EPHA6: variants seen among roughly 807,000 people sequenced by gnomAD.
EPHA6 encodes the protein ephrin type-A receptor 6.
In EPHA6, 50 loss-of-function variants were observed where a neutral mutation model predicts 112.0. The observed-to-expected ratio is 0.45, with a 90% CI of 0.36 to 0.56. The LOEUF is 0.56. Among genes scored for constraint, EPHA6 ranks in the 20% least tolerant of loss-of-function variants. The probability of loss-of-function intolerance (pLI) is 0.00; values close to 1 mark genes in which losing one functional copy is unlikely to be tolerated. For synonymous variants in EPHA6, 529 were observed against 490.7 expected (o/e 1.08, Z -1.03); for missense variants, 1,280 against 1,417.4 (o/e 0.90, Z 1.56).
chr3:96,876,921 T>A (rs747986828), intron 2 of EPHA6, among the ~76,000 whole-genome samples: 4 of 152,084 alleles, frequency 2.6e-5, no homozygotes, highest in Non-Finnish European at 5.9e-5. Flanking sequence ...TCAGTGCATA[T>A]CATAGCATTT....
chr3:97,335,731 G>A (rs956861642), intron 5 of EPHA6, among the ~76,000 whole-genome samples: 3 of 152,116 alleles, frequency 2.0e-5, no homozygotes, highest in African/African-American at 4.8e-5. Flanking sequence ...CAAGACAGGA[G>A]AATTGCAATA....
chr3:97,508,644 G>T (rs1577614762), intron 10 of EPHA6, among the ~76,000 whole-genome samples: 1 of 152,284 alleles, frequency 6.6e-6, no homozygotes, highest in South Asian at 2.1e-4. Flanking sequence ...TTGATTTGGG[G>T]TGGAGAGTTC....
chr3:97,136,296 A>G (rs1272970457), intron 3 of EPHA6, among the ~76,000 whole-genome samples: 1 of 152,204 alleles, frequency 6.6e-6, no homozygotes, highest in Non-Finnish European at 1.5e-5. Flanking sequence ...CTGAAGAACT[A>G]AATGAGAGAT....
rs77647809 is a variant in EPHA6 at position 97,303,705 on chromosome 3, T to A, written c.1606+59418T>A. The stretch of plus-strand genomic sequence containing the variant: ...AAAGGTGACCTTTCAATTTATTGAG[T>A]GAAAGATGAGTTATTTTATATATTG... On this transcript the variant is annotated intron_variant, in intron 5 of 17. Coordinates refer to ENST00000389672, the MANE Select transcript of EPHA6 (RefSeq NM_001080448.3). Among the ~76,000 whole-genome samples, 520 of 152,048 alleles carry A rather than the reference T, an allele frequency of 3.4e-3. 5 individuals are homozygous for A. The highest frequency in any genetic ancestry group is 0.012 in the African/African-American group (482 of 41,488).
chr3:96,829,938 T>TGCGCGCGC (rs368535487), intron 1 of EPHA6, among the ~76,000 whole-genome samples: 1,680 of 120,154 alleles, frequency 0.014, 34 homozygotes, highest in African/African-American at 0.044. Context: ...CACGTGCATG[T>TGCGCGCGC]GCGCGCGCGC....
Position 96,916,789 on chromosome 3 carries a change from A to G in EPHA6, c.450+49900A>G, listed in dbSNP as rs115124154. Among the ~76,000 whole-genome samples, 799 of 152,278 alleles carry G rather than the reference A, an allele frequency of 5.2e-3. 7 individuals are homozygous for G. Among genetic ancestry groups the G allele is most frequent in the African/African-American group, 0.019 (780 of 41,572 alleles). ...TATAGGTCTTCAGAACGGAGTGCCA[A>G]TGAGTTCAAAATACTAGTTAATCAG... On this transcript the variant is annotated intron_variant, in intron 2 of 17. Transcript: ENST00000389672.
intron 3 of EPHA6, among the ~76,000 whole-genome samples, chr3:97,054,674 A>G (rs949770334): frequency 4.0e-5 from 6 of 150,866 alleles, no homozygotes; most frequent in Admixed American, 2.8e-4. Context: ...ATAACAATCA[A>G]TAATAAGAAA....
intron 6 of EPHA6, among the ~76,000 whole-genome samples, chr3:97,427,437 G>T (rs902382219): frequency 6.6e-6 from 1 of 152,122 alleles, no homozygotes; most frequent in South Asian, 2.1e-4. Flanking sequence ...ACTAATGCAG[G>T]AACAGAAAAC....
At chr3:97,536,189 G>A (rs984525413) in intron 11 of EPHA6, among the ~76,000 whole-genome samples, 1 of 152,086 alleles carries the variant, frequency 6.6e-6, no homozygotes, top group Non-Finnish European at 1.5e-5. Flanking sequence ...ATTTGTAACA[G>A]ATAACATATA....
chr3:97,708,520 C>G (rs890205270), intron 14 of EPHA6, among the ~76,000 whole-genome samples: 4 of 152,318 alleles, frequency 2.6e-5, no homozygotes, highest in Non-Finnish European at 5.9e-5. Context: ...AATTTGAAGC[C>G]TGACCTTTTG....
chr3:97,028,319 A>G (rs1174558138), intron 3 of EPHA6, among the ~76,000 whole-genome samples: 1 of 152,150 alleles, frequency 6.6e-6, no homozygotes, highest in Non-Finnish European at 1.5e-5. Flanking sequence ...TTTCTGCTTT[A>G]TGACTGTTTG....
At chr3:97,555,747 A>G (rs1194209701) in intron 11 of EPHA6, among the ~76,000 whole-genome samples, 1 of 151,992 alleles carries the variant, frequency 6.6e-6, no homozygotes, top group Non-Finnish European at 1.5e-5. Context: ...GTCTGTTCAT[A>G]TCCTTCACCC....
intron 4 of EPHA6, among the ~76,000 whole-genome samples, chr3:97,229,806 T>C (rs921521982): frequency 6.6e-6 from 1 of 152,092 alleles, no homozygotes; most frequent in Admixed American, 6.6e-5. Context: ...GTAGATGTAA[T>C]TTTGGCTTTC....
At chr3:97,653,984 G>T (rs1332160620) in intron 14 of EPHA6, among the ~76,000 whole-genome samples, 1 of 151,910 alleles carries the variant, frequency 6.6e-6, no homozygotes, top group African/African-American at 2.4e-5. Context: ...GAGCTGCAGG[G>T]AGAGGGAAAT....
chr3:96,949,418 C>T (rs1376104630), intron 2 of EPHA6, among the ~76,000 whole-genome samples: 2 of 152,040 alleles, frequency 1.3e-5, no homozygotes, highest in African/African-American at 4.8e-5. Flanking sequence ...TACCTAACCA[C>T]TCTATGCCTC....
intron 11 of EPHA6, among the ~76,000 whole-genome samples, chr3:97,576,399 C>A (rs1479047781): frequency 3.8e-4 from 58 of 152,110 alleles, no homozygotes. Flanking sequence ...ACACCCTTGC[C>A]ACCTCCCTTA....
intron 12 of EPHA6, among the ~76,000 whole-genome samples, chr3:97,610,557 T>C (rs1454457685): frequency 6.6e-6 from 1 of 151,704 alleles, no homozygotes; most frequent in East Asian, 1.9e-4. Context: ...ACCTAATTCC[T>C]TTGTAATTTA....
intron 2 of EPHA6, among the ~76,000 whole-genome samples, chr3:96,974,583 C>T (rs1357183918): frequency 6.6e-6 from 1 of 151,504 alleles, no homozygotes; most frequent in East Asian, 1.9e-4. Context: ...AAGCAAAAAT[C>T]GAATTATACA....
chr3:97,593,878 C>T (rs75666206), intron 12 of EPHA6, among the ~76,000 whole-genome samples: 2,053 of 152,220 alleles, frequency 0.013, 51 homozygotes, highest in African/African-American at 0.047. Context: ...CAAAATTACA[C>T]GAGTTAAAAG....
Sources: allele counts gnomAD v4.1 joint callset (sites outside exome capture counted in the v4.1 genomes callset), GRCh38; gene constraint gnomAD v4.1.1; transcripts MANE v1.5; gene names NCBI Gene and HGNC (gene_info 2026-07-23, HGNC 2026-07-21).